Variants in TPX2 observed in about 807,000 individuals in gnomAD.
TPX2 encodes TPX2 microtubule nucleation factor.
Under a neutral mutation model 93.6 loss-of-function variants are expected in TPX2, and 21 were observed. The observed-to-expected ratio is 0.22, with a 90% confidence interval of 0.16 to 0.32. The LOEUF is 0.32. Ranked by LOEUF, TPX2 falls within the 10% of genes least tolerant of loss-of-function variation. The pLI is 1.00. For missense variants in TPX2, 776 were observed against 871.1 expected, an observed-to-expected ratio of 0.89 and a Z score of 1.37; for synonymous variants, 281 against 298.3, an observed-to-expected ratio of 0.94 and a Z score of 0.60.
chr20:31,797,289 A>G (rs1568612170), intron 15 of TPX2, 115 bp from the exon 16 acceptor site: 1 of 900,102 alleles, frequency 1.1e-6, no homozygotes, highest in East Asian at 2.5e-5. Flanking sequence ...TAGGGTTTAT[A>G]TTAAATCTGC....
intron 8 of TPX2, among the ~76,000 whole-genome samples, chr20:31,777,002 G>A (rs576244106): frequency 2.1e-4 from 32 of 152,308 alleles, no homozygotes; most frequent in African/African-American, 7.7e-4. Flanking sequence ...ATATGACTGA[G>A]AGAGCTGAAG....
At chr20:31,783,997 G>A (rs1287782462) in intron 12 of TPX2, 76 bp downstream of exon 12, 2 of 1,500,290 alleles carry the variant, frequency 1.3e-6, no homozygotes, top group African/African-American at 2.8e-5. Context: ...ACAAAAGTTT[G>A]GGTAGATATT....
At chr20:31,759,282 T>C (rs567772008) in intron 3 of TPX2, among the ~76,000 whole-genome samples, 1 of 152,168 alleles carries the variant, frequency 6.6e-6, no homozygotes, top group East Asian at 1.9e-4. Context: ...CTAGCTCTGC[T>C]CTACCCTCAC....
chr20:31,770,469 A>G lies in TPX2; in HGVS notation c.483A>G (p.Lys161=), dbSNP rs778738041. ...IDEILPSKKM[K]VSNNKKKPEE... ...AAATTCTACCCTCTAAGAAAATGAA[A>G]GTGTGAGTAGCCACAACTTCTTACT... Residue 161 remains lysine (K), a splice_region_variant and synonymous_variant, in exon 6 of 18, where the codon AAA becomes AAG. Coordinates refer to ENST00000300403, the MANE Select transcript of TPX2 (RefSeq NM_012112.5). The G allele has an allele frequency of 6.3e-7, 1 of 1,576,590 alleles. No homozygotes were observed. The highest frequency in any genetic ancestry group is 1.2e-5 in the South Asian group (1 of 84,078).
chr20:31,777,026 G>A (rs2062004525), intron 8 of TPX2, among the ~76,000 whole-genome samples: 1 of 152,160 alleles, frequency 6.6e-6, no homozygotes. Context: ...TCACAGTTCT[G>A]CTTTGCTCGG....
chr20:31,744,142 T>C (rs963934369), intron 2 of TPX2, among the ~76,000 whole-genome samples: 17 of 150,966 alleles, frequency 1.1e-4, no homozygotes, highest in African/African-American at 3.9e-4. Flanking sequence ...ACTAAAAACT[T>C]TTGTTAATTT....
At chr20:31,762,542 G>A (rs1440419863) in intron 4 of TPX2, among the ~76,000 whole-genome samples, 4 of 151,932 alleles carry the variant, frequency 2.6e-5, no homozygotes, top group Non-Finnish European at 4.4e-5. Context: ...TAGAGATGGG[G>A]TTTCGTGATG....
intron 17 of TPX2, among the ~76,000 whole-genome samples, chr20:31,799,028 T>C (rs1328133388): frequency 6.6e-6 from 1 of 152,238 alleles, no homozygotes; most frequent in Admixed American, 6.5e-5. Context: ...GTTTTGTAAT[T>C]AGACAAGAAT....
At position 31,797,493 on chromosome 20, in the gene TPX2, G is replaced by A. The variant is rs2062145712; in HGVS notation, c.1923G>A (p.Lys641=). The A allele has an allele frequency of 6.2e-7, 1 of 1,613,866 alleles. No homozygotes were observed. The highest frequency in any genetic ancestry group is 1.7e-5 in the Admixed American group (1 of 59,982). ...TVISQEPFVP[K]KEKKSVAEGL... ...TCTCTCAGGAGCCCTTTGTTCCCAA[G>A]AAAGAGAAGAAATCAGTTGCTGGTA... The change falls in exon 16 of 18, where the codon AAG becomes AAA. Residue 641 remains lysine, a synonymous_variant. Transcript: ENST00000300403.
In TPX2 at chr20:31,794,552, G is replaced by C; in HGVS notation, c.1833+4G>C. 1 of 1,613,194 alleles carries C rather than the reference G, an allele frequency of 6.2e-7. No individual in the cohort carries two copies. Among genetic ancestry groups the C allele is most frequent in the Non-Finnish European group, 8.5e-7 (1 of 1,179,754 alleles). ...GGCACAGACTTGGAAGCACCAGGTA[G>C]GGGATGGGGAGAGCAGCCAAAATGT... On this transcript the variant is annotated splice_donor_region_variant and intron_variant, in intron 15 of 17. Transcript: ENST00000300403.
At chr20:31,744,805 G>T (rs1411599078) in intron 2 of TPX2, among the ~76,000 whole-genome samples, 1 of 152,148 alleles carries the variant, frequency 6.6e-6, no homozygotes, top group East Asian at 1.9e-4. Context: ...CGTATTTTTG[G>T]CCGGGCGCGG....
intron 2 of TPX2, among the ~76,000 whole-genome samples, chr20:31,750,452 C>CTATT (rs60982252): frequency 0.047 from 6,840 of 146,706 alleles, 191 homozygotes; most frequent in East Asian, 0.1. Flanking sequence ...CCGTGCCCGG[C>CTATT]TATTTATTTA....
intron 11 of TPX2, 115 bp from the exon 12 acceptor site, chr20:31,783,590 G>A (rs1237332381): frequency 7.8e-6 from 8 of 1,023,194 alleles, no homozygotes; most frequent in Non-Finnish European, 1.2e-5. Context: ...CTGTTGTCCA[G>A]TCAATGGGAG....
At chr20:31,753,531 T>A (rs1336247606) in intron 2 of TPX2, among the ~76,000 whole-genome samples, 2 of 152,208 alleles carry the variant, frequency 1.3e-5, no homozygotes, top group African/African-American at 4.8e-5. Flanking sequence ...TAATATCTTA[T>A]AGACTGCAAA....
rs553894852 is a variant in TPX2, at chr20:31,793,760, A to C, written c.1510-88A>C. 835 of 1,241,838 alleles carry C rather than the reference A, an allele frequency of 6.7e-4. 7 individuals carry two copies. In the South Asian group the frequency reaches 7.0e-3, roughly 10 times the overall value. 76.9% of individuals were successfully genotyped at this position (1,241,838 alleles called of 1,614,324 possible). A position where few individuals can be genotyped will look rare whatever the true frequency, so the allele number is the denominator to read the frequency against. On this transcript the variant is annotated intron_variant, in intron 13 of 17. Coordinates refer to ENST00000300403, the MANE Select transcript of TPX2 (RefSeq NM_012112.5). ...TTAATTTTGTTTTAATTAATGCCAC[A>C]TATTAATATAATGTCTTCTGACTCC...
At chr20:31,788,093 C>T (rs779601234) in intron 12 of TPX2, among the ~76,000 whole-genome samples, 9 of 152,056 alleles carry the variant, frequency 5.9e-5, no homozygotes, top group Non-Finnish European at 1.0e-4. Context: ...TATAGCTTGC[C>T]TATGGAAACA....
intron 7 of TPX2, among the ~76,000 whole-genome samples, chr20:31,773,366 G>T (rs1220687065): frequency 6.8e-6 from 1 of 146,726 alleles, no homozygotes; most frequent in Non-Finnish European, 1.6e-5. Flanking sequence ...GGCCAGGCTG[G>T]TCTTGAATTC....
intron 8 of TPX2, 133 bp downstream of exon 8, chr20:31,776,121 C>G (rs945262515): frequency 1.1e-6 from 1 of 884,656 alleles, no homozygotes; most frequent in African/African-American, 1.8e-5. Context: ...TCGCCCAGGC[C>G]GGACTGCGGA....
chr20:31,797,268 A>G (rs6060955), intron 15 of TPX2, 136 bp from the exon 16 acceptor site: 220,995 of 730,556 alleles, frequency 0.3, 41,684 homozygotes, highest in African/African-American at 0.71. Flanking sequence ...GTTTGTGTGA[A>G]AGATTTTTAC....
Sources: gnomAD v4.1 joint callset for allele counts (sites outside exome capture counted in the v4.1 genomes callset) on GRCh38, gnomAD v4.1.1 for gene constraint, MANE v1.5 for transcripts, NCBI Gene and HGNC (gene_info 2026-07-23, HGNC 2026-07-21) for gene names.